Variants in HNRNPH1 observed in about 807,000 individuals in gnomAD.
HNRNPH1 encodes the protein heterogeneous nuclear ribonucleoprotein H1, also known as heterogeneous nuclear ribonucleoprotein H.
Under a neutral mutation model 58.6 loss-of-function variants are expected in HNRNPH1, and 4 were observed. The ratio of observed to expected loss-of-function variants is 0.07; its 90% CI spans 0.03 to 0.16. The LOEUF (loss-of-function observed/expected upper bound fraction) is 0.16. Ranked by LOEUF, HNRNPH1 falls within the 10% of genes least tolerant of loss-of-function variation. The pLI is 1.00. For missense variants in HNRNPH1, 271 were observed against 564.2 expected, an observed-to-expected ratio of 0.48 and a Z score of 5.26; for synonymous variants, 192 against 189.2, an observed-to-expected ratio of 1.01 and a Z score of -0.12.
At chr5:179,632,881 C>T in intron 2 of HNRNPH1, among the ~76,000 whole-genome samples, 1 of 92,858 alleles carries the variant, frequency 1.1e-5, no homozygotes, top group Admixed American at 1.7e-4. Context: ...TTTTTTGAGA[C>T]GGAGTCCTGC....
intron 11 of HNRNPH1, chr5:179,615,827 A>G (rs145434067): frequency 1.3e-5 from 7 of 521,930 alleles, no homozygotes; most frequent in African/African-American, 3.9e-5. Flanking sequence ...ATGGAGGCAG[A>G]TATTTTCTGG....
At chr5:179,629,732 T>C (rs1774685401) in intron 2 of HNRNPH1, among the ~76,000 whole-genome samples, 1 of 152,168 alleles carries the variant, frequency 6.6e-6, no homozygotes, top group Non-Finnish European at 1.5e-5. Flanking sequence ...TTCTTAATAA[T>C]ATGAAGTAGA....
chr5:179,615,975 A>ATAACCCAATTT, intron 11 of HNRNPH1, 151 bp downstream of exon 12: 1 of 642,468 alleles, frequency 1.6e-6, no homozygotes, highest in Non-Finnish European at 2.8e-6. Context: ...ACCCAATTTC[A>ATAACCCAATTT]CCGAAAGGAG....
At chr5:179,616,210 A>C in exon 11 of HNRNPH1, 1 of 1,613,874 alleles carries the variant, frequency 6.2e-7, no homozygotes, top group South Asian at 1.1e-5. Flanking sequence ...CCGTAGCTGG[A>C]CTGGTTTGCT....
chr5:179,614,386 T>A (rs1292423597), exon 13 of HNRNPH1: 3 of 152,174 alleles, frequency 2.0e-5, no homozygotes, highest in Non-Finnish European at 4.4e-5. Context: ...CCTTACAGGT[T>A]ATTAAATGAA....
chr5:179,630,079 G>A (rs532065376), intron 2 of HNRNPH1, among the ~76,000 whole-genome samples: 3 of 144,254 alleles, frequency 2.1e-5, no homozygotes, highest in Middle Eastern at 4.4e-3. Context: ...GCAGATGACC[G>A]GGCTCATGCC....
At chr5:179,621,934 C>G (rs1211868887) in intron 1 of HNRNPH1, 1 of 456,300 alleles carries the variant, frequency 2.2e-6, no homozygotes, top group South Asian at 1.5e-5. Flanking sequence ...CGGCTTCCAG[C>G]GTACTTGGTT....
At chr5:179,622,589 T>C (rs1773022236) in intron 1 of HNRNPH1, among the ~76,000 whole-genome samples, 1 of 152,082 alleles carries the variant, frequency 6.6e-6, no homozygotes, top group East Asian at 1.9e-4. Flanking sequence ...TGCGCGCCTC[T>C]AGTCCCAGAC....
At position 179,632,569 on chromosome 5, in the gene HNRNPH1, G is replaced by C. The variant is rs35357327; in HGVS notation, c.-32+1496C>G. On this transcript the variant is annotated intron_variant, in intron 2 of 4. Coordinates refer to the HNRNPH1 transcript ENST00000521116. ...AACAAAGGCGTCCCCACAGTGTCCA[G>C]CCGTCCGCTGAGGAGAAGGGTCTGC... Among the ~76,000 whole-genome samples, 207 of 152,168 alleles carry C rather than the reference G, an allele frequency of 1.4e-3. 2 individuals carry two copies. The highest frequency in any genetic ancestry group is 5.3e-4 in the Non-Finnish European group (36 of 67,950).
At chr5:179,628,955 T>G (rs1329307445), upstream of HNRNPH1, among the ~76,000 whole-genome samples, 9 of 152,020 alleles carry the variant, frequency 5.9e-5, no homozygotes, top group African/African-American at 2.2e-4. Flanking sequence ...CACTCCAGCC[T>G]AGGTGACAGA....
chr5:179,615,474 G>T, intron 12 of HNRNPH1, 72 bp downstream of exon 13: 1 of 830,296 alleles, frequency 1.2e-6, no homozygotes, highest in Non-Finnish European at 2.0e-6. Context: ...GCCATTGACT[G>T]CTATAGAAAG....
upstream of HNRNPH1, among the ~76,000 whole-genome samples, chr5:179,627,381 G>A (rs1287869762): frequency 6.6e-6 from 1 of 150,422 alleles, no homozygotes; most frequent in East Asian, 1.9e-4. Flanking sequence ...TTGTAGTGAT[G>A]GGGGTCTCAC....
chr5:179,623,657 G>C (rs1435987550), exon 1 of HNRNPH1: 2 of 152,980 alleles, frequency 1.3e-5, no homozygotes, highest in South Asian at 1.9e-4. Context: ...ACTTCTGCGT[G>C]GCTAAGACGA....
chr5:179,616,993 A>T (rs769753737), intron 9 of HNRNPH1, 35 bp from the exon 11 acceptor site: 6 of 1,574,210 alleles, frequency 3.8e-6, no homozygotes, highest in Middle Eastern at 1.7e-4. Flanking sequence ...AGGTTAGCTT[A>T]AAAAAAAGAC....
intron 5 of HNRNPH1, 34 bp downstream of exon 6, chr5:179,618,111 G>A: frequency 6.2e-7 from 1 of 1,613,626 alleles, no homozygotes; most frequent in Non-Finnish European, 8.5e-7. Context: ...CAAAGGAACA[G>A]ACGACTTGCC....
At chr5:179,617,388 C>A in intron 8 of HNRNPH1, 126 bp downstream of exon 9, 1 of 1,133,712 alleles carries the variant, frequency 8.8e-7, no homozygotes, top group Non-Finnish European at 1.3e-6. Context: ...GCCCCCGCAT[C>A]CCCCAAGAAT....
chr5:179,621,634 G>T, intron 1 of HNRNPH1: 2 of 535,882 alleles, frequency 3.7e-6, no homozygotes, highest in East Asian at 6.3e-5. Flanking sequence ...GTTTCAGAAT[G>T]AATTTATCTC....
At chr5:179,618,247 G>C in exon 5 of HNRNPH1, 1 of 1,614,000 alleles carries the variant, frequency 6.2e-7, no homozygotes, top group Non-Finnish European at 8.5e-7. Flanking sequence ...CCTGGCCGCT[G>C]CATGGCCATA....
intron 2 of HNRNPH1, among the ~76,000 whole-genome samples, chr5:179,630,944 AAAC>A (rs1774780035): frequency 6.6e-6 from 1 of 151,970 alleles, no homozygotes; most frequent in Non-Finnish European, 1.5e-5. Flanking sequence ...CTCAAAAAAA[AAAC>A]AAAAACAAAA....
Sources: allele counts gnomAD v4.1 joint callset (sites outside exome capture counted in the v4.1 genomes callset), GRCh38; gene constraint gnomAD v4.1.1; transcripts MANE v1.5; gene names NCBI Gene and HGNC (gene_info 2026-07-23, HGNC 2026-07-21).